KIF18A: variants seen among roughly 807,000 people sequenced by gnomAD.
KIF18A encodes the protein kinesin-like protein KIF18A.
Under a neutral mutation model 103.3 loss-of-function variants are expected in KIF18A, and 67 were observed. The ratio of observed to expected loss-of-function variants is 0.65; its 90% CI spans 0.53 to 0.79. The LOEUF (loss-of-function observed/expected upper bound fraction) is 0.79, where lower values mean the gene tolerates loss of function less well. Among genes scored for constraint, KIF18A ranks in the 30% least tolerant of loss-of-function variants. The pLI, the probability that KIF18A is intolerant of heterozygous loss-of-function variation, is 0.00. For synonymous variants in KIF18A, 367 were observed against 355.5 expected (o/e 1.03, Z -0.36); for missense variants, 1,032 against 1,062.5 (o/e 0.97, Z 0.40).
chr11:28,079,080 C>G (rs1851129526), intron 9 of KIF18A, among the ~76,000 whole-genome samples: 1 of 151,894 alleles, frequency 6.6e-6, no homozygotes, highest in Non-Finnish European at 1.5e-5. Flanking sequence ...GAAAAACATC[C>G]AAATAAATAC....
chr11:28,035,992 CT>C (rs977164836), intron 14 of KIF18A, among the ~76,000 whole-genome samples: 1 of 151,410 alleles, frequency 6.6e-6, no homozygotes, highest in African/African-American at 2.4e-5. Context: ...CTTAAGGTCT[CT>C]CCTAGACTAA....
At chr11:28,065,556 T>C (rs1235654122) in intron 11 of KIF18A, among the ~76,000 whole-genome samples, 1 of 152,010 alleles carries the variant, frequency 6.6e-6, no homozygotes, top group Non-Finnish European at 1.5e-5. Flanking sequence ...TTTTAATTTA[T>C]TAAAAATCCA....
At chr11:28,100,448 C>T (rs1186042057) in intron 1 of KIF18A, among the ~76,000 whole-genome samples, 4 of 148,772 alleles carry the variant, frequency 2.7e-5, no homozygotes, top group Non-Finnish European at 5.9e-5. Flanking sequence ...CAGAGGCCAT[C>T]GAGAAAAGCA....
chr11:28,091,417 AAGT>A lies in KIF18A; in HGVS notation c.577_579del (p.Thr193del). On this transcript the variant is annotated inframe_deletion, in exon 4 of 17. Transcript: ENST00000263181. ...GATGTTTATATACATACCTGGTGTA[AAGT>A]AAGTCCATGAACGACCACCCCTTTT... 6.3e-7 allele frequency: 1 copy of A among 1,576,780 alleles called. No homozygotes were observed. The highest frequency in any genetic ancestry group is 8.7e-7 in the Non-Finnish European group (1 of 1,147,830).
At chr11:28,064,929 T>C (rs1850899576) in intron 11 of KIF18A, among the ~76,000 whole-genome samples, 1 of 152,056 alleles carries the variant, frequency 6.6e-6, no homozygotes. Context: ...TAAATCACAA[T>C]GGAGAATTTA....
At chr11:28,059,625 T>C (rs1342077643) in intron 12 of KIF18A, among the ~76,000 whole-genome samples, 1 of 151,900 alleles carries the variant, frequency 6.6e-6, no homozygotes, top group Admixed American at 6.6e-5. Context: ...AGAGATGGGG[T>C]CTTGCTATGT....
intron 13 of KIF18A, among the ~76,000 whole-genome samples, chr11:28,042,764 G>A (rs1331411699): frequency 6.6e-6 from 1 of 151,744 alleles, no homozygotes; most frequent in Non-Finnish European, 1.5e-5. Flanking sequence ...CTGAATAGAG[G>A]CATCTAGCGC....
In KIF18A at chr11:28,058,985, G is replaced by A. The variant is rs759667037; in HGVS notation, c.1889C>T (p.Pro630Leu). 2 of 1,614,008 alleles carry A rather than the reference G, an allele frequency of 1.2e-6. No homozygotes were observed. The highest frequency in any genetic ancestry group is 2.2e-5 in the South Asian group (2 of 91,082). ...TAEQPKQNDL[P>L]GISVLMTFPQ... ...AAAGGTCATAAGAACAGAAATCCCT[G>A]GTAGATCGTTTTGCTTTGGTTGTTC... The change falls in exon 13 of 17, where the codon CCA becomes CTA. Residue 630 changes from proline (P) to leucine (L), a missense_variant. By Grantham distance (98) the Pro-to-Leu change is moderately conservative. Coordinates refer to ENST00000263181, the MANE Select transcript of KIF18A (RefSeq NM_031217.4).
chr11:28,102,540 C>T (rs1851459202), intron 1 of KIF18A, among the ~76,000 whole-genome samples: 1 of 152,162 alleles, frequency 6.6e-6, no homozygotes, highest in Admixed American at 6.5e-5. Context: ...GCCATGGTCA[C>T]TCATATTTGG....
intron 9 of KIF18A, among the ~76,000 whole-genome samples, chr11:28,081,798 C>T (rs574103569): frequency 6.6e-5 from 10 of 152,142 alleles, no homozygotes; most frequent in South Asian, 2.1e-4. Context: ...GCTTCTCTGA[C>T]GGATCTAGGC....
At chr11:28,062,343 G>T (rs11030202) in intron 12 of KIF18A, 52 bp downstream of exon 12, 88,094 of 1,485,284 alleles carry the variant, frequency 0.059, 5,298 homozygotes, top group East Asian at 0.34. Flanking sequence ...TTGAACTTCT[G>T]TGCTTCAGAT....
intron 15 of KIF18A, among the ~76,000 whole-genome samples, chr11:28,029,481 C>A (rs1364810773): frequency 1.3e-5 from 2 of 152,046 alleles, no homozygotes; most frequent in Admixed American, 6.6e-5. Context: ...ATTCAACAGC[C>A]CTTCATGCTA....
chr11:28,048,177 T>A (rs543916644), intron 13 of KIF18A, among the ~76,000 whole-genome samples: 1 of 152,132 alleles, frequency 6.6e-6, no homozygotes, highest in Non-Finnish European at 1.5e-5. Context: ...ACTACACTTA[T>A]AATAGTTCTG....
chr11:28,084,426 T>TTA (rs5790680), intron 7 of KIF18A: 120 of 169,694 alleles, frequency 7.1e-4, no homozygotes, highest in African/African-American at 2.7e-3. Context: ...ATAGTATCTA[T>TTA]TATATATATA....
chr11:28,093,572 G>A (rs984995635), intron 3 of KIF18A, among the ~76,000 whole-genome samples: 1 of 151,742 alleles, frequency 6.6e-6, no homozygotes, highest in African/African-American at 2.4e-5. Flanking sequence ...AGAATGATGG[G>A]GTATTTCAAA....
At chr11:28,043,054 G>A (rs1331235367) in intron 13 of KIF18A, among the ~76,000 whole-genome samples, 3 of 151,908 alleles carry the variant, frequency 2.0e-5, no homozygotes, top group African/African-American at 7.2e-5. Context: ...GGGGTAAGGT[G>A]GGAGTTGGGG....
chr11:28,083,468 G>A (rs1326805953), intron 7 of KIF18A, among the ~76,000 whole-genome samples: 2 of 152,070 alleles, frequency 1.3e-5, no homozygotes, highest in African/African-American at 2.4e-5. Flanking sequence ...TTATAAGCAT[G>A]TAATTGCAAT....
intron 13 of KIF18A, among the ~76,000 whole-genome samples, chr11:28,044,612 T>C (rs75301753): frequency 1.7e-4 from 26 of 152,226 alleles, no homozygotes; most frequent in African/African-American, 5.8e-4. Flanking sequence ...AAAAAGTTTG[T>C]TTACTGTAAG....
At chr11:28,023,565 T>C (rs555888608) in intron 16 of KIF18A, among the ~76,000 whole-genome samples, 176 bp downstream of exon 16, 1 of 152,326 alleles carries the variant, frequency 6.6e-6, no homozygotes, top group South Asian at 2.1e-4. Context: ...GGGTAAATGC[T>C]TTTGTGTTTT....
Sources: gnomAD v4.1 joint callset for allele counts (sites outside exome capture counted in the v4.1 genomes callset) on GRCh38, gnomAD v4.1.1 for gene constraint, MANE v1.5 for transcripts, NCBI Gene and HGNC (gene_info 2026-07-23, HGNC 2026-07-21) for gene names.